Variants in FGD6 observed in about 807,000 individuals in gnomAD.
The protein encoded by FGD6 is FYVE, RhoGEF and PH domain containing 6.
FGD6 carries 90 observed loss-of-function variants against 149.4 expected under a neutral mutation model. The observed-to-expected ratio is 0.60, with a 90% CI of 0.51 to 0.72. The LOEUF (loss-of-function observed/expected upper bound fraction) is 0.72. Among genes scored for constraint, FGD6 ranks in the 30% least tolerant of loss-of-function variants. The pLI is 0.00. For missense variants in FGD6, 1,437 were observed against 1,684.8 expected, an observed-to-expected ratio of 0.85 and a Z score of 2.57; for synonymous variants, 527 against 584.0, an observed-to-expected ratio of 0.90 and a Z score of 1.41.
At chr12:95,119,405 T>C (rs1206183081) in intron 8 of FGD6, among the ~76,000 whole-genome samples, 1 of 152,246 alleles carries the variant, frequency 6.6e-6, no homozygotes, top group Non-Finnish European at 1.5e-5. Flanking sequence ...CTTGTTTTTA[T>C]AAATGCTTGA....
At chr12:95,182,062 T>C (rs764595379) in intron 2 of FGD6, among the ~76,000 whole-genome samples, 55 of 152,140 alleles carry the variant, frequency 3.6e-4, no homozygotes, top group Admixed American at 1.3e-4. Flanking sequence ...CTTAGTATCA[T>C]TTCTCCCCTT....
chr12:95,155,884 T>C (rs915350744), intron 3 of FGD6, among the ~76,000 whole-genome samples: 1 of 152,200 alleles, frequency 6.6e-6, no homozygotes, highest in African/African-American at 2.4e-5. Context: ...CATTTATTAG[T>C]TCCCCAAAAT....
chr12:95,086,043 G>C (rs1467877560), intron 18 of FGD6, 135 bp from the exon 19 acceptor site: 1 of 897,672 alleles, frequency 1.1e-6, no homozygotes, highest in African/African-American at 1.7e-5. Context: ...TTTTCAAAGT[G>C]CTACTATACA....
At chr12:95,098,713 A>G (rs1878320186) in intron 14 of FGD6, among the ~76,000 whole-genome samples, 1 of 151,892 alleles carries the variant, frequency 6.6e-6, no homozygotes, top group Non-Finnish European at 1.5e-5. Flanking sequence ...TCTCTCCCCC[A>G]TTGCAGTTTA....
At chr12:95,159,801 C>A (rs1880583498) in intron 3 of FGD6, among the ~76,000 whole-genome samples, 1 of 151,986 alleles carries the variant, frequency 6.6e-6, no homozygotes, top group African/African-American at 2.4e-5. Flanking sequence ...CCACTGCACT[C>A]CAGCCTTGGC....
At chr12:95,085,050 G>A (rs1347338350) in intron 19 of FGD6, among the ~76,000 whole-genome samples, 1 of 152,160 alleles carries the variant, frequency 6.6e-6, no homozygotes, top group Non-Finnish European at 1.5e-5. Flanking sequence ...AACACAGGGT[G>A]ATCAGGTAGG....
chr12:95,210,776 C>A lies in FGD6; in HGVS notation c.508G>T (p.Gly170Cys), dbSNP rs375390194. The A allele has an allele frequency of 1.9e-6, 3 of 1,613,904 alleles. No homozygotes were observed. The African/African-American group carries it at 4.0e-5, about 22-fold the overall frequency. The part of the protein sequence containing the change: ...DLYGEKAKNQ[G>C]GVVLKASVLE... ...ACGCTTGCCTTTAAAACAACCCCAC[C>A]CTGGTTCTTGGCTTTTTCACCATAC... is the stretch of plus-strand genomic sequence containing the variant. Residue 170 changes from glycine to cysteine, a missense_variant, in exon 2 of 21, where the codon GGT (glycine) becomes TGT (cysteine). Coordinates refer to ENST00000343958, the MANE Select transcript of FGD6 (RefSeq NM_018351.4).
intron 3 of FGD6, among the ~76,000 whole-genome samples, chr12:95,166,208 C>T (rs1294132803): frequency 1.3e-5 from 2 of 152,102 alleles, no homozygotes; most frequent in Non-Finnish European, 2.9e-5. Context: ...GCCACCATAC[C>T]CAGCCTGATA....
chr12:95,155,720 T>C (rs768690054), intron 3 of FGD6, among the ~76,000 whole-genome samples: 2 of 151,994 alleles, frequency 1.3e-5, no homozygotes, highest in African/African-American at 2.4e-5. Context: ...AAAGTGAGAG[T>C]TGGACCAAGA....
At chr12:95,156,169 T>C (rs2136274921) in intron 3 of FGD6, among the ~76,000 whole-genome samples, 1 of 152,248 alleles carries the variant, frequency 6.6e-6, no homozygotes, top group Non-Finnish European at 1.5e-5. Context: ...AAGAACAGGG[T>C]AACAGCAATG....
Position 95,205,477 on chromosome 12 carries a change from C to T in FGD6, c.2441+3366G>A, listed in dbSNP as rs192150814. 2.6e-5 allele frequency among the ~76,000 whole-genome samples: 4 copies of T among 152,304 alleles called. No homozygotes were observed. The East Asian group carries it at 7.7e-4, about 29-fold the overall frequency. ...TTCCCTGAAGGTTGAGAAACTAAGA[C>T]ACCCTTGTGATGACCCCAGCAGAAA... On this transcript the variant is annotated intron_variant, in intron 2 of 20. Transcript: ENST00000343958.
intron 3 of FGD6, among the ~76,000 whole-genome samples, chr12:95,164,573 G>C (rs1880742510): frequency 6.6e-6 from 1 of 152,008 alleles, no homozygotes; most frequent in Non-Finnish European, 1.5e-5. Flanking sequence ...TGGGACTACA[G>C]GTACACACTG....
intron 5 of FGD6, among the ~76,000 whole-genome samples, chr12:95,142,142 ATTT>A (rs542164287): frequency 5.3e-5 from 7 of 132,656 alleles, no homozygotes; most frequent in Non-Finnish European, 4.8e-5. Flanking sequence ...TCACTTTTGT[ATTT>A]TTTTTTTTTT....
At chr12:95,137,825 T>G in intron 6 of FGD6, 147 bp from the exon 7 acceptor site, 1 of 528,720 alleles carries the variant, frequency 1.9e-6, no homozygotes, top group Non-Finnish European at 3.1e-6. Context: ...TTTTCACCAT[T>G]TCCACTGCCA....
chr12:95,201,955 T>TACACACACACAC (rs71078621), intron 2 of FGD6, among the ~76,000 whole-genome samples: 8 of 146,448 alleles, frequency 5.5e-5, no homozygotes, highest in Non-Finnish European at 9.1e-5. Flanking sequence ...CAGGACAGAA[T>TACACACACACAC]ACACACACAC....
At chr12:95,154,602 C>T (rs372235544) in intron 3 of FGD6, among the ~76,000 whole-genome samples, 1 of 152,110 alleles carries the variant, frequency 6.6e-6, no homozygotes, top group Admixed American at 6.6e-5. Context: ...GACATTAAAA[C>T]GAAAATGCTT....
chr12:95,167,669 G>T (rs1880862190), intron 3 of FGD6, among the ~76,000 whole-genome samples: 1 of 150,688 alleles, frequency 6.6e-6, no homozygotes, highest in Non-Finnish European at 1.5e-5. Context: ...CCGCAACCCG[G>T]GTTCAAGCAA....
intron 8 of FGD6, among the ~76,000 whole-genome samples, chr12:95,122,924 A>G (rs951238307): frequency 5.3e-5 from 8 of 151,980 alleles, no homozygotes; most frequent in South Asian, 4.2e-4. Flanking sequence ...CCTAATAAAA[A>G]TACAAAAATT....
In FGD6 at chr12:95,212,678, A is replaced by G. The variant is rs1029485079; in HGVS notation, c.17-1411T>C. 9.8e-5 allele frequency among the ~76,000 whole-genome samples: 15 copies of G among 152,340 alleles called. No individual in the cohort carries two copies. In the South Asian group the frequency reaches 3.1e-3, roughly 32 times the overall value. ...AAAACTTTTCAAAATATCTGCTGCA[A>G]AGGACTGCTGGACGTTGTTTAATTA... On this transcript the variant is annotated intron_variant, in intron 1 of 20. Coordinates refer to ENST00000343958, the MANE Select transcript of FGD6 (RefSeq NM_018351.4).
Sources: gnomAD v4.1 joint callset for allele counts (sites outside exome capture counted in the v4.1 genomes callset) on GRCh38, gnomAD v4.1.1 for gene constraint, MANE v1.5 for transcripts, NCBI Gene and HGNC (gene_info 2026-07-23, HGNC 2026-07-21) for gene names.